The following CCNP variants were observed in gnomAD, a reference collection of about 807,000 sequenced individuals.
CCNP encodes cyclin P.
In CCNP, 18 loss-of-function variants were observed where a neutral mutation model predicts 19.6. The observed-to-expected ratio is 0.92, with a 90% confidence interval of 0.64 to 1.36. CCNP has a LOEUF of 1.36. CCNP is among the 40% of genes most tolerant of loss of function. The probability of loss-of-function intolerance (pLI) is 0.00; values close to 1 mark genes in which losing one functional copy is unlikely to be tolerated. For synonymous variants in CCNP, 228 were observed against 194.9 expected, an observed-to-expected ratio of 1.17 and a Z score of -1.41; for missense variants, 440 against 424.4, an observed-to-expected ratio of 1.04 and a Z score of -0.32.
rs1374251040 is a variant in CCNP, at chr19:40,224,612, T to C, written c.389A>G (p.Tyr130Cys). The part of the protein sequence containing the change: ...EYLGLAGDTL[Y>C]LAVHLLDSYL... The stretch of plus-strand genomic sequence containing the variant: ...GGAATCAAGCAGGTGAACCGCCAGA[T>C]AAAGTGTGTCACCAGCCAGACCCAG... The change falls in exon 3 of 5, where the codon TAT becomes TGT. Residue 130 changes from tyrosine to cysteine, a missense_variant. Tyr to Cys is a radical substitution (Grantham distance 194, BLOSUM62 -2). Transcript: ENST00000430325. 10 of 1,613,998 alleles carry C rather than the reference T, an allele frequency of 6.2e-6. No individual in the cohort carries two copies. The highest frequency in any genetic ancestry group is 1.3e-5 in the African/African-American group (1 of 74,904).
At position 40,222,679 on chromosome 19, in the gene CCNP, C is replaced by T. The variant is rs571801161; in HGVS notation, c.*373G>A. 1.4e-4 allele frequency: 57 copies of T among 400,334 alleles called. No homozygotes were observed. The highest frequency in any genetic ancestry group is 8.4e-4 in the African/African-American group (41 of 48,704). 24.8% of individuals were successfully genotyped at this position (400,334 alleles called of 1,614,324 possible). A position where few individuals can be genotyped will look rare whatever the true frequency, so the allele number is the denominator to read the frequency against. ...AGAGGTGGACACCCTATTCTTCCTA[C>T]AGGGCGCGGCTAGTGCGGAGTCAGA... On this transcript the variant is annotated 3_prime_UTR_variant, in exon 5 of 5. Transcript: ENST00000430325.
rs1568500559 is a variant in CCNP, at chr19:40,222,746, A to G, written c.*306T>C. 1 of 406,372 alleles carries G rather than the reference A, an allele frequency of 2.5e-6. No homozygotes were observed. The highest frequency in any genetic ancestry group is 2.1e-5 in the African/African-American group (1 of 48,620). 25.2% of individuals were successfully genotyped at this position (406,372 alleles called of 1,614,324 possible). Reference sequence around the variant, plus strand: ...GGAGGGGAGCTGAGGATGGGCAGCCATCCTCTCTATGCTGGGTGCACAGGC... The same window carrying G: ...GGAGGGGAGCTGAGGATGGGCAGCCGTCCTCTCTATGCTGGGTGCACAGGC... On this transcript the variant is annotated 3_prime_UTR_variant, in exon 5 of 5. Transcript: ENST00000430325.
chr19:40,222,326 A>AT lies in CCNP; in HGVS notation c.*725_*726insA, dbSNP rs1213138039. ...CAGTACTCAGGGAGGCTCAGACTGGAGGCGGCGGAGCAGGCAGGCGGCGGC... is the reference window on the plus strand; with the variant it reads ...CAGTACTCAGGGAGGCTCAGACTGGATGGCGGCGGAGCAGGCAGGCGGCGGC... On this transcript the variant is annotated 3_prime_UTR_variant, in exon 5 of 5. Coordinates refer to ENST00000430325, the MANE Select transcript of CCNP (RefSeq NM_024877.4). 8.5e-5 allele frequency: 34 copies of AT among 398,872 alleles called. 1 individual carries two copies. Among genetic ancestry groups the AT allele is most frequent in the African/African-American group, 6.8e-4 (33 of 48,600 alleles). The allele number at this position is 398,872 out of a possible 1,614,324, so 24.7% of individuals were successfully genotyped here. A position where few individuals can be genotyped will look rare whatever the true frequency, so the allele number is the denominator to read the frequency against.
chr19:40,225,946 C>G (rs1383787856), intron 1 of CCNP, among the ~76,000 whole-genome samples: 1 of 152,226 alleles, frequency 6.6e-6, no homozygotes, highest in Non-Finnish European at 1.5e-5. Context: ...CAGCAACCCT[C>G]TCATAGGGAT....
chr19:40,223,955 C>T (rs1973498470), intron 3 of CCNP, among the ~76,000 whole-genome samples: 1 of 150,196 alleles, frequency 6.7e-6, no homozygotes, highest in South Asian at 2.1e-4. Context: ...CCTTGGCTCC[C>T]CAAAGTGATT....
Position 40,222,219 on chromosome 19 carries a change from T to C in CCNP, c.*833A>G, listed in dbSNP as rs1165765399. The C allele has an allele frequency of 5.0e-6, 2 of 397,778 alleles. No individual in the cohort carries two copies. The highest frequency in any genetic ancestry group is 8.9e-6 in the Non-Finnish European group (2 of 225,580). The allele number at this position is 397,778 out of a possible 1,614,324, so 24.6% of individuals were successfully genotyped here. A position where few individuals can be genotyped will look rare whatever the true frequency, so the allele number is the denominator to read the frequency against. ...AGGGCAGAGAGCGCTCAGAATAAAA[T>C]AAATTCTTTTATTGAGATGAGAGAC... On this transcript the variant is annotated 3_prime_UTR_variant, in exon 5 of 5. Coordinates refer to ENST00000430325, the MANE Select transcript of CCNP (RefSeq NM_024877.4).
Position 40,224,492 on chromosome 19 carries a change from G to T in CCNP, c.509C>A (p.Pro170His). The T allele has an allele frequency of 1.2e-6, 2 of 1,614,016 alleles. No individual in the cohort carries two copies. The highest frequency in any genetic ancestry group is 1.7e-6 in the Non-Finnish European group (2 of 1,179,980). Reference protein sequence around the residue: ...VACKMEECVLPEPAFLCLLSA... With the variant: ...VACKMEECVLHEPAFLCLLSA... ...CAAACCCCACCCCGGAAGTACCTCGGGAAGCACGCACTCTTCCATTTTGCA... is the reference window on the plus strand; with the variant it reads ...CAAACCCCACCCCGGAAGTACCTCGTGAAGCACGCACTCTTCCATTTTGCA... Residue 170 changes from proline (P) to histidine (H), a missense_variant, in exon 3 of 5, where the codon CCC (proline) becomes CAC (histidine). By Grantham distance (77) the Pro-to-His change is moderately conservative (BLOSUM62 -2). Transcript: ENST00000430325.
Position 40,223,394 on chromosome 19 carries a change from G to A in CCNP, c.666C>T (p.Ser222=). 6.4e-7 allele frequency: 1 copy of A among 1,552,488 alleles called. No individual in the cohort carries two copies. Among genetic ancestry groups the A allele is most frequent in the African/African-American group, 1.4e-5 (1 of 73,536 alleles). The change falls in exon 4 of 5, where the codon AGC becomes AGT. Residue 222 remains serine, a synonymous_variant. Transcript: ENST00000430325. ...LGLLAALAGS[S]PQVMLLATYF... ...CGTATTCACAAGGGCTCACCTGGGG[G>A]CTGCTCCCTGCCAGCGCGGCCAGCA...
At chr19:40,224,380 C>T (rs955925558) in intron 3 of CCNP, 108 bp downstream of exon 3, 39 of 1,240,638 alleles carry the variant, frequency 3.1e-5, no homozygotes, top group Non-Finnish European at 3.9e-5. Context: ...CTCCCTCATA[C>T]ATGTTGGGAA....
intron 3 of CCNP, 157 bp from the exon 4 acceptor site, chr19:40,223,703 G>A: frequency 9.8e-7 from 1 of 1,018,006 alleles, no homozygotes. Flanking sequence ...ACGGGCTTGA[G>A]GGTCCTGGGT....
Position 40,223,242 on chromosome 19 carries a change from C to G in CCNP, c.734G>C (p.Trp245Ser), listed in dbSNP as rs1973479126. 1 of 1,545,770 alleles carries G rather than the reference C, an allele frequency of 6.5e-7. No individual in the cohort carries two copies. The highest frequency in any genetic ancestry group is 8.7e-7 in the Non-Finnish European group (1 of 1,143,658). ...CGCAGCCGCACGACGACCCGGCTCC[C>G]ATCCCGCCGCCTCGGCCTCCAGCAA... Reference protein sequence around the residue: ...LSLLEAEAAGWEPGRRAAAAL... With the variant: ...LSLLEAEAAGSEPGRRAAAAL... The change falls in exon 5 of 5, where the codon TGG becomes TCG. Residue 245 changes from tryptophan (W) to serine (S), a missense_variant. Transcript: ENST00000430325.
At chr19:40,225,062 C>CTTT (rs11301448) in intron 1 of CCNP, 128 of 373,076 alleles carry the variant, frequency 3.4e-4, no homozygotes, top group South Asian at 4.4e-4. Context: ...CCAGACTTCA[C>CTTT]TTTTTTTTTT....
At chr19:40,223,684 G>A in intron 3 of CCNP, 138 bp from the exon 4 acceptor site, 2 of 1,251,182 alleles carry the variant, frequency 1.6e-6, no homozygotes, top group Non-Finnish European at 2.3e-6. Flanking sequence ...TCTGGAAGTC[G>A]TAGAGAGCAC....
At chr19:40,225,027 C>T in intron 1 of CCNP, 1 of 547,596 alleles carries the variant, frequency 1.8e-6, no homozygotes, top group East Asian at 3.1e-5. Context: ...GCCACGTGGA[C>T]TCCTGGGCGT....
chr19:40,224,386 G>A (rs986992254), intron 3 of CCNP, 102 bp downstream of exon 3: 2 of 1,315,902 alleles, frequency 1.5e-6, no homozygotes, highest in African/African-American at 2.9e-5. Context: ...CATACATGTT[G>A]GGAATCCCAG....
Position 40,222,991 on chromosome 19 carries a change from G to T in CCNP, c.*61C>A. The T allele has an allele frequency of 1.0e-6, 1 of 960,744 alleles. No individual in the cohort carries two copies. Among genetic ancestry groups the T allele is most frequent in the Non-Finnish European group, 1.6e-6 (1 of 640,618 alleles). 59.5% of individuals were successfully genotyped at this position (960,744 alleles called of 1,614,324 possible). A position where few individuals can be genotyped will look rare whatever the true frequency, so the allele number is the denominator to read the frequency against. On this transcript the variant is annotated 3_prime_UTR_variant, in exon 5 of 5. Coordinates refer to ENST00000430325, the MANE Select transcript of CCNP (RefSeq NM_024877.4). ...AGAGACCCCAGATCTGGACTAATGG[G>T]GTCCTCCCACCCCATTCTCTCCCAC...
chr19:40,222,883 G>A lies in CCNP; in HGVS notation c.*169C>T, dbSNP rs1973468760. ...CAGAGATGGAGGACTCGAGGCCTGG[G>A]TGATCCTTCGTTCTCAGCCCTGGAA... On this transcript the variant is annotated 3_prime_UTR_variant, in exon 5 of 5. Transcript: ENST00000430325. 2 of 549,944 alleles carry A rather than the reference G, an allele frequency of 3.6e-6. No homozygotes were observed. Among genetic ancestry groups the A allele is most frequent in the Non-Finnish European group, 3.3e-6 (1 of 306,962 alleles). 34.1% of individuals were successfully genotyped at this position (549,944 alleles called of 1,614,324 possible).
Position 40,223,551 on chromosome 19 carries a change from A to T in CCNP, c.514-5T>A, listed in dbSNP as rs1395498004. On this transcript the variant is annotated splice_polypyrimidine_tract_variant and splice_region_variant and intron_variant, in intron 3 of 4. Transcript: ENST00000430325. ...CAGGAGGCAGAGGAAGGCGGGCTGC[A>T]GATGGGGGATGCGGGGGGAGGTGAA... 1 of 1,598,410 alleles carries T rather than the reference A, an allele frequency of 6.3e-7. No homozygotes were observed. The highest frequency in any genetic ancestry group is 8.6e-7 in the Non-Finnish European group (1 of 1,169,514).
In CCNP at chr19:40,223,288, T is replaced by C. The variant is rs1289383634; in HGVS notation, c.688A>G (p.Thr230Ala). ...AGCAAAGACAGCTCCAGGAAGTAGG[T>C]GGCAAGTAACATCACCTGCAAGTGA... ...GSSPQVMLLA[T>A]YFLELSLLEA... The change falls in exon 5 of 5, where the codon ACC (threonine) becomes GCC (alanine). Residue 230 changes from threonine (T) to alanine (A), a missense_variant. By Grantham distance (58) the Thr-to-Ala change is moderately conservative. Coordinates refer to ENST00000430325, the MANE Select transcript of CCNP (RefSeq NM_024877.4). The C allele has an allele frequency of 1.4e-5, 21 of 1,526,294 alleles. No individual in the cohort carries two copies. The highest frequency in any genetic ancestry group is 1.9e-5 in the Non-Finnish European group (21 of 1,133,066). 94.5% of individuals were successfully genotyped at this position (1,526,294 alleles called of 1,614,324 possible). A position where few individuals can be genotyped will look rare whatever the true frequency, so the allele number is the denominator to read the frequency against.
Sources: gnomAD v4.1 joint callset for allele counts (sites outside exome capture counted in the v4.1 genomes callset) on GRCh38, gnomAD v4.1.1 for gene constraint, MANE v1.5 for transcripts, NCBI Gene and HGNC (gene_info 2026-07-23, HGNC 2026-07-21) for gene names.